The following ATG4C variants were observed in gnomAD, a reference collection of about 807,000 sequenced individuals.
The protein encoded by ATG4C is cysteine protease ATG4C.
In ATG4C, 56 loss-of-function variants were observed where a neutral mutation model predicts 57.6. The ratio of observed to expected loss-of-function variants is 0.97; its 90% CI spans 0.78 to 1.21. The LOEUF is 1.21. ATG4C is among the 50% of genes most tolerant of loss of function. The pLI, the probability that ATG4C is intolerant of heterozygous loss-of-function variation, is 0.00. For synonymous variants in ATG4C, 157 were observed against 174.1 expected (o/e 0.90, Z 0.78); for missense variants, 595 against 529.8 (o/e 1.12, Z -1.21).
intron 9 of ATG4C, among the ~76,000 whole-genome samples, chr1:62,838,726 G>A (rs1166778244): frequency 2.0e-5 from 3 of 151,432 alleles, no homozygotes; most frequent in African/African-American, 4.9e-5. Context: ...GTTGCAGTGA[G>A]CAGAGATCGC....
intron 4 of ATG4C, among the ~76,000 whole-genome samples, chr1:62,818,544 AT>A: frequency 6.6e-6 from 1 of 151,932 alleles, no homozygotes; most frequent in Non-Finnish European, 1.5e-5. Flanking sequence ...TATTTTTGTA[AT>A]TTTTTTCTTG....
chr1:62,800,644 G>A (rs571013643), intron 1 of ATG4C, among the ~76,000 whole-genome samples: 11 of 152,108 alleles, frequency 7.2e-5, no homozygotes, highest in Non-Finnish European at 1.0e-4. Flanking sequence ...AGGAAAATTC[G>A]TCTTTCCTTT....
Position 62,834,137 on chromosome 1 carries a change from T to C in ATG4C, c.1012+21T>C, listed in dbSNP as rs758186492. 6.9e-6 allele frequency: 11 copies of C among 1,597,612 alleles called. No homozygotes were observed. In the South Asian group the frequency reaches 1.0e-4, roughly 15 times the overall value. ...TCAAGGTTAGTGATTTAGTAAAATA[T>C]ATTTCTTCATTGTTTTCTTTTAAAA... On this transcript the variant is annotated intron_variant, in intron 8 of 10. Transcript: ENST00000317868.
chr1:62,817,578 C>T (rs1665322163), intron 4 of ATG4C, among the ~76,000 whole-genome samples: 1 of 152,142 alleles, frequency 6.6e-6, no homozygotes. Flanking sequence ...AACTCCTAGG[C>T]TCAAGTGATG....
chr1:62,863,422 T>A (rs1052193585), intron 10 of ATG4C, among the ~76,000 whole-genome samples: 12 of 151,968 alleles, frequency 7.9e-5, no homozygotes, highest in African/African-American at 2.9e-4. Flanking sequence ...GGTAGAAAAA[T>A]TGGATTTCTT....
chr1:62,823,667 A>G (rs1458742497), intron 6 of ATG4C, among the ~76,000 whole-genome samples: 1 of 152,174 alleles, frequency 6.6e-6, no homozygotes, highest in African/African-American at 2.4e-5. Flanking sequence ...ATTTGTCCCG[A>G]CCTACATTTC....
chr1:62,850,854 G>GTATGTATATA (rs1553230151), intron 10 of ATG4C, among the ~76,000 whole-genome samples: 2 of 84,116 alleles, frequency 2.4e-5, no homozygotes, highest in Non-Finnish European at 2.6e-5. Flanking sequence ...GTGTATGTAT[G>GTATGTATATA]TATATATATA....
At chr1:62,800,252 G>A (rs967656425) in intron 1 of ATG4C, among the ~76,000 whole-genome samples, 2 of 151,938 alleles carry the variant, frequency 1.3e-5, no homozygotes, top group African/African-American at 4.8e-5. Context: ...AAAAAATTTT[G>A]GATCTAGAAG....
chr1:62,809,729 T>C (rs1386085367), intron 3 of ATG4C, among the ~76,000 whole-genome samples: 1 of 151,274 alleles, frequency 6.6e-6, no homozygotes, highest in African/African-American at 2.4e-5. Flanking sequence ...ATGCAATGAA[T>C]ATGAAAAACT....
intron 3 of ATG4C, among the ~76,000 whole-genome samples, chr1:62,806,022 G>T (rs547499950): frequency 2.8e-4 from 42 of 152,118 alleles, no homozygotes; most frequent in African/African-American, 8.7e-4. Flanking sequence ...GACCTATTTT[G>T]GTATATCATT....
chr1:62,822,199 CTA>C (rs1665503877), intron 6 of ATG4C, among the ~76,000 whole-genome samples: 1 of 152,016 alleles, frequency 6.6e-6, no homozygotes, highest in Non-Finnish European at 1.5e-5. Context: ...ACAAGGGTAT[CTA>C]TAAAATGCTT....
chr1:62,836,168 G>C (rs1368951664), intron 9 of ATG4C, among the ~76,000 whole-genome samples: 2 of 152,006 alleles, frequency 1.3e-5, no homozygotes, highest in East Asian at 3.8e-4. Context: ...AATTAGAAAG[G>C]CTTCAACTCA....
chr1:62,844,555 T>C (rs572375254), intron 10 of ATG4C, among the ~76,000 whole-genome samples: 1 of 152,124 alleles, frequency 6.6e-6, no homozygotes, highest in African/African-American at 2.4e-5. Flanking sequence ...AGTTGTACTT[T>C]AGTAATATGT....
intron 10 of ATG4C, among the ~76,000 whole-genome samples, chr1:62,852,576 A>C (rs1454223702): frequency 6.6e-6 from 1 of 152,014 alleles, no homozygotes; most frequent in Non-Finnish European, 1.5e-5. Context: ...CTCCCACTAC[A>C]GTTATAACAT....
chr1:62,803,676 C>A, intron 1 of ATG4C, 43 bp from the exon 2 acceptor site: 1 of 587,070 alleles, frequency 1.7e-6, no homozygotes, highest in Non-Finnish European at 2.9e-6. Context: ...TCCATGTAAC[C>A]ATATATGTAG....
chr1:62,784,648 A>G (rs997595850), intron 1 of ATG4C, among the ~76,000 whole-genome samples: 2 of 152,220 alleles, frequency 1.3e-5, no homozygotes, highest in Admixed American at 6.5e-5. Context: ...AAATAAAAAA[A>G]GGGAAATAAT....
intron 9 of ATG4C, among the ~76,000 whole-genome samples, chr1:62,837,877 A>G (rs1222010931): frequency 6.6e-6 from 1 of 151,836 alleles, no homozygotes; most frequent in Non-Finnish European, 1.5e-5. Context: ...TGTAGCCTTG[A>G]CCTCCTGGGC....
intron 9 of ATG4C, among the ~76,000 whole-genome samples, chr1:62,836,756 T>TG (rs1312141710): frequency 6.6e-6 from 1 of 152,078 alleles, no homozygotes; most frequent in African/African-American, 2.4e-5. Flanking sequence ...GGGAACTTTT[T>TG]GGGTCAGTAT....
chr1:62,808,433 T>C (rs535388988), intron 3 of ATG4C, among the ~76,000 whole-genome samples: 2 of 152,160 alleles, frequency 1.3e-5, no homozygotes, highest in East Asian at 1.9e-4. Context: ...GATAGACATA[T>C]TGATTTTTTT....
Sources: allele counts gnomAD v4.1 joint callset (sites outside exome capture counted in the v4.1 genomes callset), GRCh38; gene constraint gnomAD v4.1.1; transcripts MANE v1.5; gene names NCBI Gene and HGNC (gene_info 2026-07-23, HGNC 2026-07-21).